Variants in FAM237B observed in about 807,000 individuals in gnomAD.
FAM237B encodes the protein family with sequence similarity 237 member B.
chr7:90,317,407 A>G lies in FAM237B; in HGVS notation c.*1922T>C, dbSNP rs1794900723. 1 of 152,058 alleles carries G rather than the reference A, an allele frequency of 6.6e-6. No individual in the cohort carries two copies. Among genetic ancestry groups the G allele is most frequent in the African/African-American group, 2.4e-5 (1 of 41,438 alleles). The allele number at this position is 152,058 out of a possible 1,614,324, so 9.4% of individuals were successfully genotyped here. On this transcript the variant is annotated 3_prime_UTR_variant, in exon 3 of 3. Transcript: ENST00000692316. ...GCTGTCTGGTCATTTTTATGAGAAC[A>G]TTAATTAGCCCTACCCTCCAACCAG... is the stretch of plus-strand genomic sequence containing the variant.
rs1795022069 is a variant in FAM237B at position 90,318,504 on chromosome 7, T to G, written c.*825A>C. 1 of 152,158 alleles carries G rather than the reference T, an allele frequency of 6.6e-6. No individual in the cohort carries two copies. The highest frequency in any genetic ancestry group is 1.5e-5 in the Non-Finnish European group (1 of 67,990). The allele number at this position is 152,158 out of a possible 1,614,324, so 9.4% of individuals were successfully genotyped here. A position where few individuals can be genotyped will look rare whatever the true frequency, so the allele number is the denominator to read the frequency against. On this transcript the variant is annotated 3_prime_UTR_variant, in exon 3 of 3. Transcript: ENST00000692316. ...CCACAAAATATACTACATTAAATAT[T>G]ACTTTTTAGGATAATACTGCCATTA...
rs1193597090 is a variant in FAM237B at position 90,317,196 on chromosome 7, T to C, written c.*2133A>G. On this transcript the variant is annotated 3_prime_UTR_variant, in exon 3 of 3. Transcript: ENST00000692316. ...GTTCTTGGCAAGATTAACTCAACTT[T>C]TTACTCCTGTCACATAAATGTGACT... The C allele has an allele frequency of 2.6e-5, 4 of 152,144 alleles. No individual in the cohort carries two copies. Among genetic ancestry groups the C allele is most frequent in the African/African-American group, 9.7e-5 (4 of 41,444 alleles). 9.4% of individuals were successfully genotyped at this position (152,144 alleles called of 1,614,324 possible).
chr7:90,317,683 C>T lies in FAM237B; in HGVS notation c.*1646G>A, dbSNP rs1306898093. 6.6e-6 allele frequency: 1 copy of T among 152,050 alleles called. No homozygotes were observed. The highest frequency in any genetic ancestry group is 1.5e-5 in the Non-Finnish European group (1 of 67,992). 9.4% of individuals were successfully genotyped at this position (152,050 alleles called of 1,614,324 possible). Reference sequence around the variant, plus strand: ...ATATATAAAACCCCTAATAAATGGTCTATACATCATCAGAATTTGAAAGTG... The same window carrying T: ...ATATATAAAACCCCTAATAAATGGTTTATACATCATCAGAATTTGAAAGTG... On this transcript the variant is annotated 3_prime_UTR_variant, in exon 3 of 3. Coordinates refer to ENST00000692316, the MANE Select transcript of FAM237B (RefSeq NM_001384237.2).
chr7:90,320,155 T>C (rs1046403764), intron 2 of FAM237B, among the ~76,000 whole-genome samples: 1 of 152,210 alleles, frequency 6.6e-6, no homozygotes, highest in African/African-American at 2.4e-5. Flanking sequence ...ACATTTCAAC[T>C]AAGTGGATCA....
Position 90,317,314 on chromosome 7 carries a change from C to G in FAM237B, c.*2015G>C, listed in dbSNP as rs907720263. 1 of 152,046 alleles carries G rather than the reference C, an allele frequency of 6.6e-6. No individual in the cohort carries two copies. Among genetic ancestry groups the G allele is most frequent in the African/African-American group, 2.4e-5 (1 of 41,414 alleles). The allele number at this position is 152,046 out of a possible 1,614,324, so 9.4% of individuals were successfully genotyped here. A position where few individuals can be genotyped will look rare whatever the true frequency, so the allele number is the denominator to read the frequency against. On this transcript the variant is annotated 3_prime_UTR_variant, in exon 3 of 3. Transcript: ENST00000692316. ...TTGAAATTTAAAAACTCATATCAGA[C>G]TAATTATTTGTCATATAAATTCCAC...
Position 90,318,006 on chromosome 7 carries a change from T to C in FAM237B, c.*1323A>G, listed in dbSNP as rs1164431889. 2.0e-5 allele frequency: 3 copies of C among 152,204 alleles called. No individual in the cohort carries two copies. Among genetic ancestry groups the C allele is most frequent in the Admixed American group, 6.5e-5 (1 of 15,280 alleles). The allele number at this position is 152,204 out of a possible 1,614,324, so 9.4% of individuals were successfully genotyped here. A position where few individuals can be genotyped will look rare whatever the true frequency, so the allele number is the denominator to read the frequency against. ...TGAACATATGGTTTGGTTTTTCTTA[T>C]AAGCATGTGAATCTTGAAACTGTTC... On this transcript the variant is annotated 3_prime_UTR_variant, in exon 3 of 3. Coordinates refer to ENST00000692316, the MANE Select transcript of FAM237B (RefSeq NM_001384237.2).
Position 90,319,121 on chromosome 7 carries a change from A to G in FAM237B, c.*208T>C, listed in dbSNP as rs1287469036. On this transcript the variant is annotated 3_prime_UTR_variant, in exon 3 of 3. Transcript: ENST00000692316. ...TGGGCAAACAAGGATAATTTTAATTATCTACCAAAGTGTATTATATTCCAA... is the reference window on the plus strand; with the variant it reads ...TGGGCAAACAAGGATAATTTTAATTGTCTACCAAAGTGTATTATATTCCAA... 2.8e-6 allele frequency: 1 copy of G among 360,308 alleles called. No individual in the cohort carries two copies. Among genetic ancestry groups the G allele is most frequent in the Non-Finnish European group, 4.9e-6 (1 of 202,988 alleles). 22.3% of individuals were successfully genotyped at this position (360,308 alleles called of 1,614,324 possible). A position where few individuals can be genotyped will look rare whatever the true frequency, so the allele number is the denominator to read the frequency against.
At position 90,317,406 on chromosome 7, in the gene FAM237B, C is replaced by T. The variant is rs1329381681; in HGVS notation, c.*1923G>A. On this transcript the variant is annotated 3_prime_UTR_variant, in exon 3 of 3. Coordinates refer to ENST00000692316, the MANE Select transcript of FAM237B (RefSeq NM_001384237.2). ...CGCTGTCTGGTCATTTTTATGAGAA[C>T]ATTAATTAGCCCTACCCTCCAACCA... The T allele has an allele frequency of 6.6e-6, 1 of 151,906 alleles. No homozygotes were observed. The highest frequency in any genetic ancestry group is 1.5e-5 in the Non-Finnish European group (1 of 67,942). 9.4% of individuals were successfully genotyped at this position (151,906 alleles called of 1,614,324 possible).
At chr7:90,320,375 T>A (rs966039925) in intron 2 of FAM237B, 1 of 152,224 alleles carries the variant, frequency 6.6e-6, no homozygotes, top group Non-Finnish European at 1.5e-5. Flanking sequence ...TTGGAGAAGA[T>A]GAACGTAGAC....
Position 90,319,204 on chromosome 7 carries a change from A to G in FAM237B, c.*125T>C, listed in dbSNP as rs138921044. The G allele has an allele frequency of 2.0e-5, 8 of 396,088 alleles. No homozygotes were observed. Among genetic ancestry groups the G allele is most frequent in the African/African-American group, 8.2e-5 (4 of 48,740 alleles). 24.5% of individuals were successfully genotyped at this position (396,088 alleles called of 1,614,324 possible). The stretch of plus-strand genomic sequence containing the variant: ...GGTTTGTAAATAATGTAAAATGAGT[A>G]AAAATGAGAATCAAAACCTATCATT... On this transcript the variant is annotated 3_prime_UTR_variant, in exon 3 of 3. Coordinates refer to ENST00000692316, the MANE Select transcript of FAM237B (RefSeq NM_001384237.2).
Position 90,317,003 on chromosome 7 carries a change from T to G in FAM237B, c.*2326A>C, listed in dbSNP as rs1794862411. ...CCCACAGACTGTAAAAGAGAACTGT[T>G]TTTTTTGAGGAAAACTGTAATACTG... On this transcript the variant is annotated 3_prime_UTR_variant, in exon 3 of 3. Coordinates refer to ENST00000692316, the MANE Select transcript of FAM237B (RefSeq NM_001384237.2). The G allele has an allele frequency of 6.6e-6, 1 of 152,134 alleles. No individual in the cohort carries two copies. Among genetic ancestry groups the G allele is most frequent in the Non-Finnish European group, 1.5e-5 (1 of 68,016 alleles). The allele number at this position is 152,134 out of a possible 1,614,324, so 9.4% of individuals were successfully genotyped here.
chr7:90,317,223 C>T lies in FAM237B; in HGVS notation c.*2106G>A. 6.6e-6 allele frequency: 1 copy of T among 151,988 alleles called. No homozygotes were observed. Among genetic ancestry groups the T allele is most frequent in the East Asian group, 1.9e-4 (1 of 5,182 alleles). 9.4% of individuals were successfully genotyped at this position (151,988 alleles called of 1,614,324 possible). A position where few individuals can be genotyped will look rare whatever the true frequency, so the allele number is the denominator to read the frequency against. On this transcript the variant is annotated 3_prime_UTR_variant, in exon 3 of 3. Transcript: ENST00000692316. ...TACTCCTGTCACATAAATGTGACTC[C>T]TCTCAAATGAATCATCACTTTTCGA...
At position 90,319,067 on chromosome 7, in the gene FAM237B, G is replaced by T; in HGVS notation, c.*262C>A. The T allele has an allele frequency of 3.9e-6, 1 of 254,880 alleles. No individual in the cohort carries two copies. The highest frequency in any genetic ancestry group is 7.3e-6 in the Non-Finnish European group (1 of 136,176). 15.8% of individuals were successfully genotyped at this position (254,880 alleles called of 1,614,324 possible). ...ACAAATGTAATATGAATAATTACAG[G>T]GTTAAATGGCTTTCTTATGAACTAT... is the stretch of plus-strand genomic sequence containing the variant. On this transcript the variant is annotated 3_prime_UTR_variant, in exon 3 of 3. Transcript: ENST00000692316.
rs1210674126 is a variant in FAM237B at position 90,318,496 on chromosome 7, T to C, written c.*833A>G. The C allele has an allele frequency of 2.6e-5, 4 of 152,142 alleles. No individual in the cohort carries two copies. The highest frequency in any genetic ancestry group is 9.6e-5 in the African/African-American group (4 of 41,458). 9.4% of individuals were successfully genotyped at this position (152,142 alleles called of 1,614,324 possible). The stretch of plus-strand genomic sequence containing the variant: ...TTCAGAAACCACAAAATATACTACA[T>C]TAAATATTACTTTTTAGGATAATAC... On this transcript the variant is annotated 3_prime_UTR_variant, in exon 3 of 3. Coordinates refer to ENST00000692316, the MANE Select transcript of FAM237B (RefSeq NM_001384237.2).
At position 90,318,939 on chromosome 7, in the gene FAM237B, A is replaced by G. The variant is rs1795064969; in HGVS notation, c.*390T>C. ...AGATTTAAAAGAAGAAATTGTTAAT[A>G]TTCATTCCAATATGACTCTTAAATT... On this transcript the variant is annotated 3_prime_UTR_variant, in exon 3 of 3. Coordinates refer to ENST00000692316, the MANE Select transcript of FAM237B (RefSeq NM_001384237.2). 6.5e-6 allele frequency: 1 copy of G among 153,984 alleles called. No individual in the cohort carries two copies. The highest frequency in any genetic ancestry group is 1.4e-5 in the Non-Finnish European group (1 of 69,328). 9.5% of individuals were successfully genotyped at this position (153,984 alleles called of 1,614,324 possible). A position where few individuals can be genotyped will look rare whatever the true frequency, so the allele number is the denominator to read the frequency against.
At chr7:90,320,783 A>G (rs748211057) in intron 1 of FAM237B, 56 bp from the exon 2 acceptor site, 1 of 152,262 alleles carries the variant, frequency 6.6e-6, no homozygotes, top group African/African-American at 2.4e-5. Context: ...GTCATTTCAC[A>G]TCGTCGAAAA....
At position 90,319,843 on chromosome 7, in the gene FAM237B, G is replaced by T. The variant is rs28947512; in HGVS notation, c.-3-92C>A. The T allele has an allele frequency of 3.0e-4, 120 of 397,466 alleles. No homozygotes were observed. In the East Asian group the frequency reaches 4.1e-3, roughly 13 times the overall value. The allele number at this position is 397,466 out of a possible 1,614,324, so 24.6% of individuals were successfully genotyped here. A position where few individuals can be genotyped will look rare whatever the true frequency, so the allele number is the denominator to read the frequency against. On this transcript the variant is annotated intron_variant, in intron 2 of 2. Coordinates refer to ENST00000692316, the MANE Select transcript of FAM237B (RefSeq NM_001384237.2). The stretch of plus-strand genomic sequence containing the variant: ...AAAAACTGTAAGTACACATATATTT[G>T]CTTTTGATCAAGCCAAATCTGCTTA...
At position 90,318,291 on chromosome 7, in the gene FAM237B, TAACTC is replaced by T. The variant is rs753454909; in HGVS notation, c.*1033_*1037del. 5 of 152,180 alleles carry T rather than the reference TAACTC, an allele frequency of 3.3e-5. No individual in the cohort carries two copies. The highest frequency in any genetic ancestry group is 6.5e-5 in the Admixed American group (1 of 15,284). The allele number at this position is 152,180 out of a possible 1,614,324, so 9.4% of individuals were successfully genotyped here. Reference sequence around the variant, plus strand: ...AGATATAAATAGGCAATATAAAAAATAACTCAGCTAACACAAAAATTCTATCAAAT... The same window carrying T: ...AGATATAAATAGGCAATATAAAAAATAGCTAACACAAAAATTCTATCAAAT... On this transcript the variant is annotated 3_prime_UTR_variant, in exon 3 of 3. Transcript: ENST00000692316.
chr7:90,319,307 A>G lies in FAM237B; in HGVS notation c.*22T>C, dbSNP rs1795096930. ...AAAAAATCAGAAGAATTAAATAGTG[A>G]CTTTTAAAGAAAAGTAAACTGCTAT... On this transcript the variant is annotated 3_prime_UTR_variant, in exon 3 of 3. Coordinates refer to ENST00000692316, the MANE Select transcript of FAM237B (RefSeq NM_001384237.2). 2 of 398,400 alleles carry G rather than the reference A, an allele frequency of 5.0e-6. No individual in the cohort carries two copies. The highest frequency in any genetic ancestry group is 4.1e-5 in the African/African-American group (2 of 48,622). The allele number at this position is 398,400 out of a possible 1,614,324, so 24.7% of individuals were successfully genotyped here.
Sources: allele counts gnomAD v4.1 joint callset (sites outside exome capture counted in the v4.1 genomes callset), GRCh38; gene constraint gnomAD v4.1.1; transcripts MANE v1.5; gene names NCBI Gene and HGNC (gene_info 2026-07-23, HGNC 2026-07-21).